PTPRT: variants seen among roughly 807,000 people sequenced by gnomAD.
The protein encoded by PTPRT is receptor-type tyrosine-protein phosphatase T.
In PTPRT, 56 loss-of-function variants were observed where a neutral mutation model predicts 176.8. The observed-to-expected ratio is 0.32, with a 90% CI of 0.26 to 0.40. The LOEUF (loss-of-function observed/expected upper bound fraction) is 0.40. Ranked by LOEUF, PTPRT falls within the 10% of genes least tolerant of loss-of-function variation. The pLI, the probability that PTPRT is intolerant of heterozygous loss-of-function variation, is 1.00. For synonymous variants in PTPRT, 783 were observed against 739.0 expected (o/e 1.06, Z -0.96); for missense variants, 1,540 against 1,908.2 (o/e 0.81, Z 3.60).
intron 11 of PTPRT, among the ~76,000 whole-genome samples, chr20:42,320,641 G>T (rs963492711): frequency 2.0e-5 from 3 of 152,188 alleles, no homozygotes; most frequent in Admixed American, 6.5e-5. Flanking sequence ...AGTCCCAGAA[G>T]AAACTAGTAA....
chr20:42,215,595 T>C (rs2055749662), intron 15 of PTPRT, among the ~76,000 whole-genome samples: 3 of 121,872 alleles, frequency 2.5e-5, no homozygotes, highest in Admixed American at 1.6e-4. Flanking sequence ...TGTAGTTTCA[T>C]CTTGCTCTAT....
chr20:42,570,756 T>C (rs576054314), intron 7 of PTPRT, among the ~76,000 whole-genome samples: 24 of 152,306 alleles, frequency 1.6e-4, no homozygotes, highest in Admixed American at 1.0e-3. Context: ...CTCCTGACTC[T>C]ATTTTTCATT....
At chr20:42,737,822 C>A (rs966743034) in intron 6 of PTPRT, among the ~76,000 whole-genome samples, 1 of 152,196 alleles carries the variant, frequency 6.6e-6, no homozygotes, top group Non-Finnish European at 1.5e-5. Context: ...TTATACCTCA[C>A]AATTGTACAG....
intron 2 of PTPRT, among the ~76,000 whole-genome samples, chr20:42,801,026 G>A (rs1259129499): frequency 6.6e-6 from 1 of 151,990 alleles, no homozygotes; most frequent in Non-Finnish European, 1.5e-5. Flanking sequence ...TTTCTTCCTG[G>A]GGAGAGCATC....
intron 1 of PTPRT, among the ~76,000 whole-genome samples, chr20:42,964,476 A>G (rs1457955133): frequency 1.3e-5 from 2 of 152,208 alleles, no homozygotes; most frequent in African/African-American, 4.8e-5. Flanking sequence ...CCTTTTCTGT[A>G]GCAGGTAGCA....
At chr20:42,056,186 T>G in the PTPRT span, among the ~76,000 whole-genome samples, 4 of 152,168 alleles carry the variant, frequency 2.6e-5, no homozygotes, top group African/African-American at 9.7e-5. Context: ...GTGTTTCTTT[T>G]CAGATATTTA....
Position 42,075,286 on chromosome 20 carries a change from G to A in PTPRT, c.*5593C>T, listed in dbSNP as rs1357011472. The A allele has an allele frequency of 4.3e-6, 1 of 234,270 alleles. No homozygotes were observed. The highest frequency in any genetic ancestry group is 8.4e-6 in the Non-Finnish European group (1 of 118,944). 14.5% of individuals were successfully genotyped at this position (234,270 alleles called of 1,614,324 possible). A position where few individuals can be genotyped will look rare whatever the true frequency, so the allele number is the denominator to read the frequency against. On this transcript the variant is annotated 3_prime_UTR_variant, in exon 31 of 31. Coordinates refer to ENST00000373187, the MANE Select transcript of PTPRT (RefSeq NM_007050.6). ...GACTGTTAAGTAATGGGGAAGCCAA[G>A]TCAGGGATTTGAGATGACATGACTA...
chr20:42,717,866 CCT>C (rs1491207489), intron 6 of PTPRT, among the ~76,000 whole-genome samples: 2 of 143,276 alleles, frequency 1.4e-5, no homozygotes, highest in Non-Finnish European at 3.0e-5. Flanking sequence ...ATCAAGATCA[CCT>C]GTGTGTGTGT....
chr20:42,639,403 A>C lies in PTPRT; in HGVS notation c.1153+38463T>G, dbSNP rs142362348. Reference sequence around the variant, plus strand: ...ACTTGAATTTGAAACCAGAGCCCTGAGTCTCCTATGCCCTGGCCATCCACT... The same window carrying C: ...ACTTGAATTTGAAACCAGAGCCCTGCGTCTCCTATGCCCTGGCCATCCACT... On this transcript the variant is annotated intron_variant, in intron 7 of 30. Transcript: ENST00000373187. Among the ~76,000 whole-genome samples the C allele has an allele frequency of 7.2e-4, 110 of 152,236 alleles. 2 individuals carry two copies. The East Asian group carries it at 0.018, about 24-fold the overall frequency.
chr20:42,799,062 C>T (rs1169940778), intron 2 of PTPRT, among the ~76,000 whole-genome samples: 1 of 148,668 alleles, frequency 6.7e-6, no homozygotes, highest in South Asian at 2.1e-4. Flanking sequence ...AGACACAAGA[C>T]AAAGAAGGAA....
In PTPRT at chr20:42,918,952, G is replaced by A. The variant is rs115854880; in HGVS notation, c.89-33020C>T. On this transcript the variant is annotated intron_variant, in intron 1 of 30. Coordinates refer to ENST00000373187, the MANE Select transcript of PTPRT (RefSeq NM_007050.6). Reference sequence around the variant, plus strand: ...AGAAGAGGCCCTCTCAGCTCATGCCGCACCACCTATGCAACTCACTAAACA... The same window carrying A: ...AGAAGAGGCCCTCTCAGCTCATGCCACACCACCTATGCAACTCACTAAACA... Among the ~76,000 whole-genome samples the A allele has an allele frequency of 2.5e-3, 386 of 152,138 alleles. 1 individual carries two copies. Among genetic ancestry groups the A allele is most frequent in the African/African-American group, 8.8e-3 (366 of 41,474 alleles).
intron 7 of PTPRT, among the ~76,000 whole-genome samples, chr20:42,569,081 A>AAT (rs71335569): frequency 0.093 from 2,867 of 30,720 alleles, 217 homozygotes; most frequent in East Asian, 0.19. Flanking sequence ...AAAAAAAAAA[A>AAT]ATATATATAT....
intron 7 of PTPRT, among the ~76,000 whole-genome samples, chr20:42,673,834 G>A (rs2075452968): frequency 6.6e-6 from 1 of 152,186 alleles, no homozygotes; most frequent in Non-Finnish European, 1.5e-5. Context: ...ACCACACTTT[G>A]AGAACCACCG....
At position 43,189,598 on chromosome 20, in the gene PTPRT, A is replaced by G. The variant is rs982346227; in HGVS notation, c.88+48T>C. On this transcript the variant is annotated intron_variant, in intron 1 of 30. Transcript: ENST00000373187. This position sits in a 1 kb window ranked among gnomAD's most constrained non-coding sequence, Gnocchi z 5.0. ...GCCCCGCGGCTGGGGGCCCGCGCGC[A>G]TCCAGGAGGGAGCGGGGAGCCCAGG... is the stretch of plus-strand genomic sequence containing the variant. 4 of 1,170,678 alleles carry G rather than the reference A, an allele frequency of 3.4e-6. No homozygotes were observed. Among genetic ancestry groups the G allele is most frequent in the South Asian group, 3.7e-5 (1 of 26,928 alleles). The allele number at this position is 1,170,678 out of a possible 1,614,324, so 72.5% of individuals were successfully genotyped here. A position where few individuals can be genotyped will look rare whatever the true frequency, so the allele number is the denominator to read the frequency against.
intron 11 of PTPRT, among the ~76,000 whole-genome samples, chr20:42,339,975 C>T (rs764544285): frequency 1.1e-4 from 16 of 152,270 alleles, no homozygotes; most frequent in South Asian, 4.2e-4. Flanking sequence ...TCTCCCCAAA[C>T]GCCTGCCAAA....
chr20:43,180,043 C>T (rs1226726846), intron 1 of PTPRT, among the ~76,000 whole-genome samples: 2 of 152,112 alleles, frequency 1.3e-5, no homozygotes. Context: ...AGCAGATGGC[C>T]CTCCCCAATG....
At chr20:42,871,331 A>G (rs1168595994) in intron 2 of PTPRT, among the ~76,000 whole-genome samples, 1 of 140,882 alleles carries the variant, frequency 7.1e-6, no homozygotes, top group Non-Finnish European at 1.6e-5. Context: ...AAAAAAAAAA[A>G]TCAGGTTATT....
chr20:42,573,559 G>C (rs2073196929), intron 7 of PTPRT, among the ~76,000 whole-genome samples: 1 of 152,102 alleles, frequency 6.6e-6, no homozygotes, highest in South Asian at 2.1e-4. Flanking sequence ...GAAGGACACT[G>C]ACTGGGTGAC....
rs987676593 is a variant in PTPRT at position 43,169,430 on chromosome 20, T to A, written c.88+20216A>T. On this transcript the variant is annotated intron_variant, in intron 1 of 30. Transcript: ENST00000373187. ...GAAAAGCATGCTTGGCCCTCATACC[T>A]AGCAGCTGCAACTACTGAGTTGATT... Among the ~76,000 whole-genome samples, 4 of 152,222 alleles carry A rather than the reference T, an allele frequency of 2.6e-5. No homozygotes were observed. In the East Asian group the frequency reaches 7.7e-4, roughly 29 times the overall value.
Sources: gnomAD v4.1 joint callset for allele counts (sites outside exome capture counted in the v4.1 genomes callset) on GRCh38, gnomAD v4.1.1 for gene constraint, Gnocchi (gnomAD v3.1) non-coding constraint, MANE v1.5 for transcripts, NCBI Gene and HGNC (gene_info 2026-07-23, HGNC 2026-07-21) for gene names.